Variants in ITIH2 observed in about 807,000 individuals in gnomAD.
ITIH2 encodes inter-alpha-trypsin inhibitor heavy chain 2, also known as inter-alpha-trypsin inhibitor heavy chain H2.
A neutral mutation model predicts 104.4 loss-of-function variants in ITIH2; 103 were observed. The observed-to-expected ratio is 0.99, with a 90% CI of 0.84 to 1.16. ITIH2 has a LOEUF of 1.16. Among genes scored for constraint, ITIH2 ranks in the 50% most tolerant of loss-of-function variants. The pLI is 0.00. For synonymous variants in ITIH2, 436 were observed against 435.4 expected (o/e 1.00, Z -0.02); for missense variants, 1,108 against 1,162.4 (o/e 0.95, Z 0.68).
At chr10:7,716,825 C>A (rs1834854307) in intron 5 of ITIH2, among the ~76,000 whole-genome samples, 1 of 151,750 alleles carries the variant, frequency 6.6e-6, no homozygotes. Context: ...ATCAAGAACT[C>A]CTATAGTGAG....
At chr10:7,735,382 C>A (rs576926719) in intron 15 of ITIH2, among the ~76,000 whole-genome samples, 1 of 152,142 alleles carries the variant, frequency 6.6e-6, no homozygotes, top group Admixed American at 6.5e-5. Context: ...GGCAACATAG[C>A]GAGACCCCAT....
intron 9 of ITIH2, among the ~76,000 whole-genome samples, chr10:7,725,365 A>C (rs1434075208): frequency 6.6e-6 from 1 of 152,174 alleles, no homozygotes; most frequent in East Asian, 1.9e-4. Context: ...AGCTCATGCA[A>C]CAGTTCTAAG....
chr10:7,739,271 A>C lies in ITIH2; in HGVS notation c.2095+513A>C, dbSNP rs368033642. Among the ~76,000 whole-genome samples the C allele has an allele frequency of 4.6e-4, 70 of 152,332 alleles. No individual in the cohort carries two copies. The East Asian group carries it at 8.5e-3, about 18-fold the overall frequency. On this transcript the variant is annotated intron_variant, in intron 16 of 20. Coordinates refer to ENST00000358415, the MANE Select transcript of ITIH2 (RefSeq NM_002216.3). ...ACCCACAGAGATCACAGCTGCTGGC[A>C]GTTAGCTAGTTCATCTAGAAAACCT... is the stretch of plus-strand genomic sequence containing the variant.
intron 4 of ITIH2, 97 bp downstream of exon 4, chr10:7,709,288 CA>C: frequency 1.8e-6 from 2 of 1,107,586 alleles, no homozygotes; most frequent in Non-Finnish European, 2.7e-6. Context: ...TCAACTGTCC[CA>C]GAGGACCGGC....
At chr10:7,726,120 A>C (rs2130951472) in intron 9 of ITIH2, among the ~76,000 whole-genome samples, 1 of 152,220 alleles carries the variant, frequency 6.6e-6, no homozygotes, top group East Asian at 1.9e-4. Context: ...AGGGATGAAA[A>C]CCCGAAAGGA....
intron 17 of ITIH2, 29 bp from the exon 18 acceptor site, chr10:7,744,053 A>G: frequency 6.3e-7 from 1 of 1,583,566 alleles, no homozygotes; most frequent in Non-Finnish European, 8.7e-7. Flanking sequence ...GGCACAGAAG[A>G]GAAAACATCA....
At chr10:7,716,380 C>T (rs965400437) in intron 5 of ITIH2, among the ~76,000 whole-genome samples, 1 of 152,126 alleles carries the variant, frequency 6.6e-6, no homozygotes, top group African/African-American at 2.4e-5. Flanking sequence ...CCATAAACAC[C>T]TCAAGATCAA....
chr10:7,746,878 G>A (rs1176178768), intron 20 of ITIH2, among the ~76,000 whole-genome samples, 174 bp downstream of exon 20: 2 of 151,294 alleles, frequency 1.3e-5, no homozygotes, highest in African/African-American at 2.4e-5. Context: ...GATATCCCAC[G>A]TTAAATGCAA....
In ITIH2 at chr10:7,705,115, A is replaced by G. The variant is rs1023526089; in HGVS notation, c.92A>G (p.Asp31Gly). The G allele has an allele frequency of 1.2e-6, 2 of 1,604,862 alleles. No individual in the cohort carries two copies. Among genetic ancestry groups the G allele is most frequent in the African/African-American group, 2.7e-5 (2 of 74,330 alleles). Residue 31 changes from aspartate to glycine, a missense_variant, in exon 2 of 21, where the codon GAC (aspartate) becomes GGC (glycine). Coordinates refer to ENST00000358415, the MANE Select transcript of ITIH2 (RefSeq NM_002216.3). ...IPINGLSEFV[D>G]YEDLVELAPG... is the part of the protein sequence containing the mutation. Reference sequence around the variant, plus strand: ...ATCCTAATTTTTTTTAAGTTTGTAGACTATGAAGATCTTGTGGAACTGGCC... The same window carrying G: ...ATCCTAATTTTTTTTAAGTTTGTAGGCTATGAAGATCTTGTGGAACTGGCC...
chr10:7,738,588 T>A, intron 15 of ITIH2, 33 bp from the exon 16 acceptor site: 1 of 1,611,908 alleles, frequency 6.2e-7, no homozygotes. Flanking sequence ...AACGTAAATC[T>A]AGAAACTAAC....
intron 9 of ITIH2, 32 bp downstream of exon 9, chr10:7,723,599 G>A (rs200367800): frequency 7.7e-7 from 1 of 1,298,096 alleles, no homozygotes; most frequent in Non-Finnish European, 1.1e-6. Context: ...GTGGTTGGGG[G>A]GATTCCCTAT....
chr10:7,705,548 A>G (rs1438339551), intron 2 of ITIH2, among the ~76,000 whole-genome samples: 2 of 151,978 alleles, frequency 1.3e-5, no homozygotes, highest in Non-Finnish European at 2.9e-5. Context: ...TCTGCCACCC[A>G]GCTAATATAT....
rs376208756 is a variant in ITIH2 at position 7,721,655 on chromosome 10, G to T, written c.745G>T (p.Val249Phe). 3 of 1,613,602 alleles carry T rather than the reference G, an allele frequency of 1.9e-6. No homozygotes were observed. Among genetic ancestry groups the T allele is most frequent in the South Asian group, 1.1e-5 (1 of 91,020 alleles). The change falls in exon 8 of 21, where the codon GTC (valine) becomes TTC (phenylalanine). Residue 249 changes from valine (V) to phenylalanine (F), a missense_variant. Val to Phe is a conservative substitution (Grantham distance 50). Transcript: ENST00000358415. ...VISKGQQKAH[V>F]SFKPTVAQQR... ...ATGTCACCGTTCTTTCTAGGCGCAC[G>T]TCTCCTTCAAGCCCACGGTAGCACA...
rs569986011 is a variant in ITIH2, at chr10:7,749,481, C to T, written c.*147C>T. On this transcript the variant is annotated 3_prime_UTR_variant, in exon 21 of 21. Transcript: ENST00000358415. Reference sequence around the variant, plus strand: ...CCAGATATCAGGGTGGTTTATAAAGCCTGTAAACACACCTAAGAAAATAAA... The same window carrying T: ...CCAGATATCAGGGTGGTTTATAAAGTCTGTAAACACACCTAAGAAAATAAA... The T allele has an allele frequency of 4.6e-5, 28 of 609,082 alleles. No homozygotes were observed. Among genetic ancestry groups the T allele is most frequent in the African/African-American group, 4.3e-4 (23 of 53,994 alleles). The allele number at this position is 609,082 out of a possible 1,614,324, so 37.7% of individuals were successfully genotyped here. A position where few individuals can be genotyped will look rare whatever the true frequency, so the allele number is the denominator to read the frequency against.
chr10:7,732,690 T>G (rs1180105663), intron 14 of ITIH2, among the ~76,000 whole-genome samples: 2 of 152,010 alleles, frequency 1.3e-5, no homozygotes, highest in East Asian at 3.9e-4. Context: ...CAGTAAAGTA[T>G]GCAAAATGCA....
intron 20 of ITIH2, among the ~76,000 whole-genome samples, chr10:7,748,037 C>A (rs990936625): frequency 6.6e-6 from 1 of 151,484 alleles, no homozygotes; most frequent in Non-Finnish European, 1.5e-5. Flanking sequence ...AAACCCCCCC[C>A]ATCTCTACTA....
intron 11 of ITIH2, 183 bp from the exon 12 acceptor site, chr10:7,729,769 C>A: frequency 2.0e-6 from 1 of 489,756 alleles, no homozygotes; most frequent in Non-Finnish European, 3.6e-6. Flanking sequence ...GCAACACAAC[C>A]CACACTTCAT....
intron 11 of ITIH2, 144 bp from the exon 12 acceptor site, chr10:7,729,808 A>T (rs1414539230): frequency 7.5e-6 from 4 of 535,722 alleles, no homozygotes; most frequent in Non-Finnish European, 1.3e-5. Context: ...ATCTCTAAGA[A>T]AAACTAGAAA....
chr10:7,707,375 T>C, intron 3 of ITIH2, 142 bp downstream of exon 3: 4 of 643,074 alleles, frequency 6.2e-6, no homozygotes, highest in Non-Finnish European at 1.1e-5. Context: ...TGTTTGCAAG[T>C]GTTTCTAAAA....
Sources: gnomAD v4.1 joint callset for allele counts (sites outside exome capture counted in the v4.1 genomes callset) on GRCh38, gnomAD v4.1.1 for gene constraint, MANE v1.5 for transcripts, NCBI Gene and HGNC (gene_info 2026-07-23, HGNC 2026-07-21) for gene names.